The following NOS1 variants were observed in gnomAD, a reference collection of about 807,000 sequenced individuals.
The protein encoded by NOS1 is NOS type I.
NOS1 carries 51 observed loss-of-function variants against 164.5 expected under a neutral mutation model. That is an observed-to-expected ratio of 0.31 (90% CI 0.25 to 0.39). NOS1 has a LOEUF of 0.39. Ranked by LOEUF, NOS1 falls within the 10% of genes least tolerant of loss-of-function variation. The pLI, the probability that NOS1 is intolerant of heterozygous loss-of-function variation, is 1.00. For synonymous variants in NOS1, 719 were observed against 745.8 expected, an observed-to-expected ratio of 0.96 and a Z score of 0.59; for missense variants, 1,362 against 1,885.6, an observed-to-expected ratio of 0.72 and a Z score of 5.14.
chr12:117,255,954 G>T, intron 16 of NOS1: 1 of 1,492,718 alleles, frequency 6.7e-7, no homozygotes, highest in African/African-American at 1.5e-5. Flanking sequence ...GCTGTCACGG[G>T]CTGCAGCCAG....
intron 3 of NOS1, among the ~76,000 whole-genome samples, chr12:117,298,951 G>C (rs1490712393): frequency 6.6e-6 from 1 of 152,262 alleles, no homozygotes; most frequent in Non-Finnish European, 1.5e-5. Context: ...ACCAGTGACA[G>C]CTCCTCTATT....
intron 8 of NOS1, among the ~76,000 whole-genome samples, chr12:117,279,422 T>C (rs919085788): frequency 3.3e-5 from 5 of 152,034 alleles, no homozygotes; most frequent in African/African-American, 1.2e-4. Context: ...GTTATTTCCC[T>C]CTCTTTTTTG....
intron 2 of NOS1, among the ~76,000 whole-genome samples, chr12:117,314,956 G>C (rs35320403): frequency 0.12 from 17,694 of 152,198 alleles, 1,303 homozygotes; most frequent in East Asian, 0.24. Context: ...AGAGGCTACA[G>C]AGCAAGTAAC....
At position 117,234,720 on chromosome 12, in the gene NOS1, CTCCCGT is replaced by C. The variant is rs753668265; in HGVS notation, c.3074_3079del (p.Asn1025_Gly1026del). On this transcript the variant is annotated inframe_deletion, in exon 21 of 29. Coordinates refer to ENST00000317775, the MANE Select transcript of NOS1 (RefSeq NM_000620.5). This position sits in a 1 kb window ranked among gnomAD's most constrained non-coding sequence, Gnocchi z 4.3. ...CCCAGGCTGGTACTGCAGCTCCTGG[CTCCCGT>C]TGGTGTGGAGACGCACGAAGATAGT... The C allele has an allele frequency of 1.9e-6, 3 of 1,613,778 alleles. No homozygotes were observed. Among genetic ancestry groups the C allele is most frequent in the Non-Finnish European group, 2.5e-6 (3 of 1,179,772 alleles).
chr12:117,287,977 T>A (rs1354415080), intron 5 of NOS1, 97 bp downstream of exon 5: 2 of 1,398,074 alleles, frequency 1.4e-6, no homozygotes, highest in African/African-American at 2.8e-5. Flanking sequence ...GGCAGAGGCC[T>A]TGTGCCTTGG....
At position 117,227,450 on chromosome 12, in the gene NOS1, G is replaced by T. The variant is rs1382474150; in HGVS notation, c.3597C>A (p.Ile1199=). The T allele has an allele frequency of 6.2e-7, 1 of 1,613,860 alleles. No homozygotes were observed. The highest frequency in any genetic ancestry group is 1.7e-5 in the Admixed American group (1 of 59,946). ...YPDEVHLTVA[I]VSYRTRDGEG... ...GCCCACCTCGAGTGCGGTAGGAAAC[G>T]ATGGCCACAGTGAGGTGCACTTCAT... Residue 1199 remains isoleucine (I), a synonymous_variant, in exon 23 of 29, where the codon ATC becomes ATA. Transcript: ENST00000317775.
intron 1 of NOS1, among the ~76,000 whole-genome samples, chr12:117,351,177 G>C (rs1286780058): frequency 6.6e-6 from 1 of 152,180 alleles, no homozygotes; most frequent in Non-Finnish European, 1.5e-5. Flanking sequence ...TTGGCCAATG[G>C]GATGTGGAGA....
intron 10 of NOS1, among the ~76,000 whole-genome samples, chr12:117,269,408 A>G (rs1158495366): frequency 6.8e-6 from 1 of 146,994 alleles, no homozygotes; most frequent in Non-Finnish European, 1.5e-5. Context: ...CATGCCAAGG[A>G]GTCAGGATGT....
In NOS1 at chr12:117,234,888, G is replaced by A; in HGVS notation, c.3042-130C>T. Reference sequence around the variant, plus strand: ...TCTTGTTGGGGCCCGTGCTAACCAAGCCTATGCCCCCATCATTCTATTATT... The same window carrying A: ...TCTTGTTGGGGCCCGTGCTAACCAAACCTATGCCCCCATCATTCTATTATT... On this transcript the variant is annotated intron_variant, in intron 20 of 28. Transcript: ENST00000317775. The surrounding 1 kb of genome is among the most constrained non-coding windows in gnomAD (Gnocchi z 4.3). 5 of 585,230 alleles carry A rather than the reference G, an allele frequency of 8.5e-6. No individual in the cohort carries two copies. In the East Asian group the frequency reaches 1.2e-4, roughly 14 times the overall value. The allele number at this position is 585,230 out of a possible 1,614,324, so 36.3% of individuals were successfully genotyped here.
In NOS1 at chr12:117,290,706, C is replaced by G. The variant is rs374683698; in HGVS notation, c.853-280G>C. On this transcript the variant is annotated intron_variant, in intron 3 of 28. Transcript: ENST00000317775. ...CTCAAAGGTGGTCTCTCTGGTTCAA[C>G]AGGGTCGGACACACTGAGGAAGGAC... Among the ~76,000 whole-genome samples the G allele has an allele frequency of 1.2e-4, 19 of 152,220 alleles. No homozygotes were observed. In the East Asian group the frequency reaches 3.7e-3, roughly 29 times the overall value.
chr12:117,301,746 C>T (rs1326207008), intron 3 of NOS1, among the ~76,000 whole-genome samples: 1 of 152,108 alleles, frequency 6.6e-6, no homozygotes, highest in African/African-American at 2.4e-5. Context: ...ACAAAGATGA[C>T]GATGTGGTCA....
chr12:117,232,986 T>C (rs947111356), intron 21 of NOS1, among the ~76,000 whole-genome samples: 1 of 150,796 alleles, frequency 6.6e-6, no homozygotes, highest in Non-Finnish European at 1.5e-5. Context: ...TCCCACCTCA[T>C]GCTCCTGAGT....
In NOS1 at chr12:117,248,071, C is replaced by T. The variant is rs572025214; in HGVS notation, c.2649-549G>A. ...TTTCTCTTTCTCTCTCTGGACATAG[C>T]AAGAAGGTGGCTATCTGCAAGCCAG... On this transcript the variant is annotated intron_variant, in intron 17 of 28. Transcript: ENST00000317775. 8.6e-5 allele frequency among the ~76,000 whole-genome samples: 13 copies of T among 152,008 alleles called. No homozygotes were observed. In the South Asian group the frequency reaches 2.7e-3, roughly 32 times the overall value.
intron 3 of NOS1, among the ~76,000 whole-genome samples, chr12:117,297,585 T>C (rs1468487547): frequency 1.3e-5 from 2 of 151,442 alleles, no homozygotes; most frequent in African/African-American, 4.9e-5. Context: ...GGAGATGGGG[T>C]TTCTTCATGT....
Position 117,215,221 on chromosome 12 carries a change from C to G in NOS1, c.*88G>C. The G allele has an allele frequency of 7.1e-7, 1 of 1,399,470 alleles. No homozygotes were observed. Among genetic ancestry groups the G allele is most frequent in the Non-Finnish European group, 9.4e-7 (1 of 1,066,228 alleles). 86.7% of individuals were successfully genotyped at this position (1,399,470 alleles called of 1,614,324 possible). A position where few individuals can be genotyped will look rare whatever the true frequency, so the allele number is the denominator to read the frequency against. On this transcript the variant is annotated 3_prime_UTR_variant, in exon 29 of 29. Coordinates refer to ENST00000317775, the MANE Select transcript of NOS1 (RefSeq NM_000620.5). ...ACAGCGACAAGGACAGGAGGCAGAGCGAGGGCCACAGGGGGTCCCAGAGGA... is the reference window on the plus strand; with the variant it reads ...ACAGCGACAAGGACAGGAGGCAGAGGGAGGGCCACAGGGGGTCCCAGAGGA...
chr12:117,321,674 T>A (rs1874932117), intron 2 of NOS1, among the ~76,000 whole-genome samples: 1 of 152,160 alleles, frequency 6.6e-6, no homozygotes, highest in African/African-American at 2.4e-5. Flanking sequence ...TTACTGGGCT[T>A]AGTTCCTTAA....
rs192623102 is a variant in NOS1, at chr12:117,214,842, C to A, written c.*467G>T. The A allele has an allele frequency of 2.3e-4, 218 of 957,796 alleles. 2 individuals are homozygous for A. The East Asian group carries it at 0.017, about 73-fold the overall frequency. 59.3% of individuals were successfully genotyped at this position (957,796 alleles called of 1,614,324 possible). A position where few individuals can be genotyped will look rare whatever the true frequency, so the allele number is the denominator to read the frequency against. On this transcript the variant is annotated 3_prime_UTR_variant, in exon 29 of 29. Coordinates refer to ENST00000317775, the MANE Select transcript of NOS1 (RefSeq NM_000620.5). ...ACAGAGACCTGGCCCATCACACACA[C>A]ACACACACACACACACACACACACA...
At chr12:117,351,604 T>C (rs1876622284) in intron 1 of NOS1, among the ~76,000 whole-genome samples, 1 of 152,194 alleles carries the variant, frequency 6.6e-6, no homozygotes, top group Non-Finnish European at 1.5e-5. Context: ...GGAACCTGGA[T>C]AGTCAAGGGC....
In NOS1 at chr12:117,215,245, GA is replaced by G; in HGVS notation, c.*63del. On this transcript the variant is annotated 3_prime_UTR_variant, in exon 29 of 29. Coordinates refer to ENST00000317775, the MANE Select transcript of NOS1 (RefSeq NM_000620.5). ...GCGAGGGCCACAGGGGGTCCCAGAG[GA>G]AAGGTTCAGCAGTGTCTGTCCGCGC... The G allele has an allele frequency of 6.9e-7, 1 of 1,439,416 alleles. No homozygotes were observed. Among genetic ancestry groups the G allele is most frequent in the South Asian group, 1.7e-5 (1 of 60,304 alleles). 89.2% of individuals were successfully genotyped at this position (1,439,416 alleles called of 1,614,324 possible).
Sources: allele counts gnomAD v4.1 joint callset (sites outside exome capture counted in the v4.1 genomes callset), GRCh38; gene constraint gnomAD v4.1.1; non-coding constraint Gnocchi (gnomAD v3.1); transcripts MANE v1.5; gene names NCBI Gene and HGNC (gene_info 2026-07-23, HGNC 2026-07-21).